Variants in BCKDHB observed in about 807,000 individuals in gnomAD.
BCKDHB encodes the protein 2-oxoisovalerate dehydrogenase subunit beta, mitochondrial.
Under a neutral mutation model 48.5 loss-of-function variants are expected in BCKDHB, and 41 were observed. The ratio of observed to expected loss-of-function variants is 0.85; its 90% CI spans 0.66 to 1.10. The LOEUF (loss-of-function observed/expected upper bound fraction) is 1.10. BCKDHB is among the 50% of genes least tolerant of loss of function. BCKDHB has a pLI of 0.00. For missense variants in BCKDHB, 496 were observed against 494.2 expected (o/e 1.00, Z -0.03); for synonymous variants, 201 against 174.8 (o/e 1.15, Z -1.18).
At chr6:80,148,536 G>A (rs1020880724) in intron 3 of BCKDHB, among the ~76,000 whole-genome samples, 1 of 151,980 alleles carries the variant, frequency 6.6e-6, no homozygotes, top group African/African-American at 2.4e-5. Flanking sequence ...CATGCTCCCA[G>A]TACTTTTGAT....
At chr6:80,137,089 T>C (rs1019158488) in intron 3 of BCKDHB, among the ~76,000 whole-genome samples, 6 of 152,178 alleles carry the variant, frequency 3.9e-5, no homozygotes, top group East Asian at 1.9e-4. Context: ...GATGCAGCAA[T>C]ATGCCTTTCT....
At chr6:80,260,227 G>GTGTT (rs1777240929) in intron 8 of BCKDHB, among the ~76,000 whole-genome samples, 1 of 151,760 alleles carries the variant, frequency 6.6e-6, no homozygotes, top group Non-Finnish European at 1.5e-5. Context: ...GTGTGTGTGT[G>GTGTT]TGGGGTAATA....
At chr6:80,132,511 G>C (rs1770682364) in intron 3 of BCKDHB, among the ~76,000 whole-genome samples, 1 of 152,140 alleles carries the variant, frequency 6.6e-6, no homozygotes, top group African/African-American at 2.4e-5. Context: ...AGGTTGGTCT[G>C]ATTTTATTTT....
At chr6:80,307,726 T>G in intron 9 of BCKDHB, 3 of 979,396 alleles carry the variant, frequency 3.1e-6, no homozygotes, top group Non-Finnish European at 3.6e-6. Flanking sequence ...TTGACTTTTG[T>G]TAGACCATAT....
intron 8 of BCKDHB, among the ~76,000 whole-genome samples, chr6:80,242,240 A>G (rs766732974): frequency 6.6e-6 from 1 of 152,146 alleles, no homozygotes; most frequent in Non-Finnish European, 1.5e-5. Context: ...AGGGTGATTT[A>G]AGGTAAGAGC....
At chr6:80,157,730 C>T (rs1387729618) in intron 3 of BCKDHB, among the ~76,000 whole-genome samples, 4 of 151,754 alleles carry the variant, frequency 2.6e-5, no homozygotes, top group Non-Finnish European at 4.4e-5. Flanking sequence ...CCGCCCACCT[C>T]GGCCTCCCAA....
chr6:80,198,183 GAC>G (rs1774220602), intron 6 of BCKDHB, among the ~76,000 whole-genome samples: 1 of 152,170 alleles, frequency 6.6e-6, no homozygotes, highest in South Asian at 2.1e-4. Context: ...AACAGCCGTA[GAC>G]ACTGTGTAAA....
intron 9 of BCKDHB, among the ~76,000 whole-genome samples, chr6:80,277,840 A>G (rs1277644956): frequency 6.6e-6 from 1 of 152,072 alleles, no homozygotes; most frequent in Non-Finnish European, 1.5e-5. Flanking sequence ...AGATTCTAAT[A>G]GTTCAAAGGA....
intron 8 of BCKDHB, among the ~76,000 whole-genome samples, chr6:80,246,403 T>C (rs1776616707): frequency 6.6e-6 from 1 of 152,174 alleles, no homozygotes; most frequent in East Asian, 1.9e-4. Context: ...TTGGGGCATC[T>C]TGTGGTTGAA....
intron 8 of BCKDHB, among the ~76,000 whole-genome samples, chr6:80,266,848 A>T (rs1232676045): frequency 6.6e-6 from 1 of 151,814 alleles, no homozygotes; most frequent in Non-Finnish European, 1.5e-5. Context: ...TTTTGGGGGG[A>T]TCAATATAAG....
At chr6:80,269,874 T>G (rs951626515) in intron 8 of BCKDHB, among the ~76,000 whole-genome samples, 1 of 152,076 alleles carries the variant, frequency 6.6e-6, no homozygotes, top group Admixed American at 6.6e-5. Flanking sequence ...ACTAAGGACA[T>G]CAAAATGCTA....
At chr6:80,223,195 C>A (rs1030349487) in intron 8 of BCKDHB, among the ~76,000 whole-genome samples, 2 of 152,090 alleles carry the variant, frequency 1.3e-5, no homozygotes, top group African/African-American at 4.8e-5. Context: ...TTATATCTAT[C>A]ATTGTGAAGA....
At chr6:80,121,198 C>T (rs1343724702) in intron 1 of BCKDHB, among the ~76,000 whole-genome samples, 1 of 152,022 alleles carries the variant, frequency 6.6e-6, no homozygotes, top group African/African-American at 2.4e-5. Flanking sequence ...TTTTTGAGGC[C>T]TCTGTTCTGT....
chr6:80,141,424 G>C (rs966267937), intron 3 of BCKDHB, among the ~76,000 whole-genome samples: 3 of 152,100 alleles, frequency 2.0e-5, no homozygotes, highest in Non-Finnish European at 4.4e-5. Context: ...TTTTCTGAGT[G>C]CATTAGGTTG....
At chr6:80,244,706 T>A (rs1776534869) in intron 8 of BCKDHB, among the ~76,000 whole-genome samples, 1 of 152,126 alleles carries the variant, frequency 6.6e-6, no homozygotes, top group African/African-American at 2.4e-5. Context: ...TTGTGGAAGC[T>A]GACAAAAGTC....
the BCKDHB span, among the ~76,000 whole-genome samples, chr6:80,398,416 A>G: frequency 6.6e-6 from 1 of 152,244 alleles, no homozygotes; most frequent in Admixed American, 6.5e-5. Context: ...CCACATAGAA[A>G]TACAAATAAC....
chr6:80,127,595 A>G lies in BCKDHB; in HGVS notation c.245A>G (p.Asp82Gly), dbSNP rs150769284. 1.4e-5 allele frequency: 22 copies of G among 1,613,286 alleles called. No homozygotes were observed. The highest frequency in any genetic ancestry group is 1.8e-5 in the Non-Finnish European group (21 of 1,179,528). Reference sequence around the variant, plus strand: ...TTCCAGTCTGTAACAAGTGCCTTGGATAACTCATTGGCCAAAGATCCTACT... The same window carrying G: ...TTCCAGTCTGTAACAAGTGCCTTGGGTAACTCATTGGCCAAAGATCCTACT... ...NLFQSVTSAL[D>G]NSLAKDPTAV... The change falls in exon 2 of 10, where the codon GAT becomes GGT. Residue 82 changes from aspartate to glycine, a missense_variant. Coordinates refer to ENST00000320393, the MANE Select transcript of BCKDHB (RefSeq NM_183050.4).
the BCKDHB span, chr6:80,374,159 G>A: frequency 3.6e-5 from 26 of 716,158 alleles, no homozygotes; most frequent in Non-Finnish European, 5.4e-5. Flanking sequence ...TCATGTATGG[G>A]TTAATCCGAC....
intron 3 of BCKDHB, among the ~76,000 whole-genome samples, chr6:80,130,345 G>C (rs1435801055): frequency 6.6e-6 from 1 of 151,968 alleles, no homozygotes; most frequent in East Asian, 1.9e-4. Flanking sequence ...GAGGAGTGAG[G>C]GTCTTTAAAA....
Sources: allele counts gnomAD v4.1 joint callset (sites outside exome capture counted in the v4.1 genomes callset), GRCh38; gene constraint gnomAD v4.1.1; transcripts MANE v1.5; gene names NCBI Gene and HGNC (gene_info 2026-07-23, HGNC 2026-07-21).